The following COL6A5 variants were observed in gnomAD, a reference collection of about 807,000 sequenced individuals.
The protein encoded by COL6A5 is collagen type VI alpha 5 chain.
COL6A5 carries 48 observed loss-of-function variants against 65.6 expected under a neutral mutation model. That is an observed-to-expected ratio of 0.73 (90% CI 0.58 to 0.93). The LOEUF is 0.93. Ranked by LOEUF, COL6A5 falls within the 40% of genes least tolerant of loss-of-function variation. The probability of loss-of-function intolerance (pLI) is 0.00; values close to 1 mark genes in which losing one functional copy is unlikely to be tolerated. For missense variants in COL6A5, 914 were observed against 928.3 expected, an observed-to-expected ratio of 0.98 and a Z score of 0.20; for synonymous variants, 291 against 322.8, an observed-to-expected ratio of 0.90 and a Z score of 1.05.
intron 7 of COL6A5, among the ~76,000 whole-genome samples, chr3:130,478,075 A>G (rs1250216909): frequency 1.3e-5 from 2 of 152,116 alleles, no homozygotes; most frequent in Non-Finnish European, 2.9e-5. Context: ...GATCTTGGGC[A>G]TGTCACATTG....
At chr3:130,451,570 C>G (rs997047146) in intron 4 of COL6A5, among the ~76,000 whole-genome samples, 1 of 151,992 alleles carries the variant, frequency 6.6e-6, no homozygotes, top group Non-Finnish European at 1.5e-5. Flanking sequence ...CCCAGAGCCA[C>G]TAGGTGATTC....
At chr3:130,415,529 A>G (rs1353947185) in intron 22 of COL6A5, 116 bp from the exon 23 acceptor site, 3 of 879,818 alleles carry the variant, frequency 3.4e-6, no homozygotes, top group Non-Finnish European at 3.4e-6. Context: ...TCTCAGGGTT[A>G]AAAGGCTGTG....
chr3:130,365,379 G>T (rs1331974668), intron 1 of COL6A5, among the ~76,000 whole-genome samples: 1 of 152,176 alleles, frequency 6.6e-6, no homozygotes, highest in Non-Finnish European at 1.5e-5. Flanking sequence ...CCGGGTTCAC[G>T]CTATTCTCCT....
intron 1 of COL6A5, among the ~76,000 whole-genome samples, chr3:130,362,326 A>ATATAT (rs1935166422): frequency 8.6e-4 from 4 of 4,672 alleles, no homozygotes; most frequent in Non-Finnish European, 1.1e-3. Context: ...ATATATATAT[A>ATATAT]TTTTTTTTTT....
exon 5 of COL6A5, chr3:130,384,990 T>C: frequency 4.5e-6 from 7 of 1,550,974 alleles, no homozygotes; most frequent in Non-Finnish European, 6.1e-6. Flanking sequence ...GAATTTTATA[T>C]CACTGACTAT....
chr3:130,478,155 T>A (rs889094586), intron 7 of COL6A5, among the ~76,000 whole-genome samples: 3 of 152,120 alleles, frequency 2.0e-5, no homozygotes, highest in Admixed American at 6.6e-5. Context: ...TTGGCTAATG[T>A]AAGCAGTAAA....
At chr3:130,401,811 G>T in exon 12 of COL6A5, 3 of 1,551,520 alleles carry the variant, frequency 1.9e-6, no homozygotes, top group Non-Finnish European at 2.6e-6. Context: ...AAATGTCCAG[G>T]AATTCCAGGA....
In COL6A5 at chr3:130,426,116, T is replaced by C. The variant is rs1937596988; in HGVS notation, c.5164-98T>C. On this transcript the variant is annotated intron_variant and NMD_transcript_variant, in intron 29 of 41. Coordinates refer to the COL6A5 transcript ENST00000312481. ...TAACTACTCTCTACCAGCTGTGCTT[T>C]TAAGAAAGAAAGTTTTTTGTTTTGT... The C allele has an allele frequency of 6.8e-6, 8 of 1,173,980 alleles. No individual in the cohort carries two copies. In the South Asian group the frequency reaches 1.1e-4, roughly 16 times the overall value. 72.7% of individuals were successfully genotyped at this position (1,173,980 alleles called of 1,614,324 possible). A position where few individuals can be genotyped will look rare whatever the true frequency, so the allele number is the denominator to read the frequency against.
intron 3 of COL6A5, 112 bp downstream of exon 3, chr3:130,376,948 T>C: frequency 2.4e-6 from 3 of 1,245,208 alleles, no homozygotes; most frequent in Middle Eastern, 2.0e-4. Flanking sequence ...TGTTGAAGTA[T>C]TGGAAACTTC....
intron 7 of COL6A5, among the ~76,000 whole-genome samples, chr3:130,475,297 A>T (rs1243547758): frequency 6.6e-6 from 1 of 152,000 alleles, no homozygotes; most frequent in Non-Finnish European, 1.5e-5. Flanking sequence ...AAGCTAAAAA[A>T]AAAATTCAGA....
intron 17 of COL6A5, among the ~76,000 whole-genome samples, chr3:130,409,035 C>A (rs1202394023): frequency 6.6e-6 from 1 of 152,136 alleles, no homozygotes. Context: ...CTAATGGCTA[C>A]CGTATTGATG....
At chr3:130,446,421 T>G (rs540421225) in intron 4 of COL6A5, among the ~76,000 whole-genome samples, 14 of 152,106 alleles carry the variant, frequency 9.2e-5, no homozygotes, top group Non-Finnish European at 1.9e-4. Flanking sequence ...GTAAGTGAGA[T>G]TCAGTGCTGA....
chr3:130,385,979 T>C lies in COL6A5; in HGVS notation c.1861+615T>C, dbSNP rs1396095130. 3.0e-4 allele frequency among the ~76,000 whole-genome samples: 45 copies of C among 152,104 alleles called. 1 individual carries two copies. The highest frequency in any genetic ancestry group is 1.5e-5 in the Non-Finnish European group (1 of 67,980). The stretch of plus-strand genomic sequence containing the variant: ...ACAAAAACACATACTTGCATTTTTG[T>C]TCTAATTAGAGATTAAGTACCAAAA... On this transcript the variant is annotated intron_variant and NMD_transcript_variant, in intron 5 of 41. Transcript: ENST00000312481.
chr3:130,414,608 T>C (rs190648144), intron 22 of COL6A5, among the ~76,000 whole-genome samples: 1 of 152,258 alleles, frequency 6.6e-6, no homozygotes, highest in East Asian at 1.9e-4. Flanking sequence ...TTCATGGTCA[T>C]ATCATTAGTC....
chr3:130,396,807 T>C (rs1936616485), intron 8 of COL6A5, among the ~76,000 whole-genome samples: 1 of 152,220 alleles, frequency 6.6e-6, no homozygotes, highest in South Asian at 2.1e-4. Flanking sequence ...CCATTTGTGT[T>C]TGTAACCTCT....
At position 130,438,342 on chromosome 3, in the gene COL6A5, T is replaced by C. The variant is rs182570954; in HGVS notation, c.488-1180T>C. On this transcript the variant is annotated intron_variant, in intron 1 of 7. Transcript: ENST00000512836. ...CATTTATTTTCATATCCCCAGAACCTAGAACTACACCTATAACATTGTAGG... is the reference window on the plus strand; with the variant it reads ...CATTTATTTTCATATCCCCAGAACCCAGAACTACACCTATAACATTGTAGG... 1.5e-4 allele frequency among the ~76,000 whole-genome samples: 23 copies of C among 152,076 alleles called. No individual in the cohort carries two copies. In the East Asian group the frequency reaches 4.5e-3, roughly 30 times the overall value.
chr3:130,406,275 A>G (rs756847020), exon 17 of COL6A5: 58 of 1,550,614 alleles, frequency 3.7e-5, no homozygotes, highest in Non-Finnish European at 5.0e-5. Flanking sequence ...TAGGGCTGTC[A>G]TGGATTTCCT....
At chr3:130,457,805 T>C (rs1052060380) in intron 5 of COL6A5, among the ~76,000 whole-genome samples, 3 of 152,162 alleles carry the variant, frequency 2.0e-5, no homozygotes, top group Non-Finnish European at 4.4e-5. Flanking sequence ...TATAGTGTGC[T>C]GTCCTGTAGA....
chr3:130,467,186 G>A (rs1709837238), intron 5 of COL6A5, among the ~76,000 whole-genome samples: 2 of 151,892 alleles, frequency 1.3e-5, no homozygotes, highest in Admixed American at 6.6e-5. Context: ...CAGTCAATGT[G>A]TAATGATCAA....
Sources: gnomAD v4.1 joint callset for allele counts (sites outside exome capture counted in the v4.1 genomes callset) on GRCh38, gnomAD v4.1.1 for gene constraint, MANE v1.5 for transcripts, NCBI Gene and HGNC (gene_info 2026-07-23, HGNC 2026-07-21) for gene names.